NEIL3: variants seen among roughly 807,000 people sequenced by gnomAD.
NEIL3 encodes endonuclease 8-like 3.
NEIL3 carries 48 observed loss-of-function variants against 57.5 expected under a neutral mutation model. The ratio of observed to expected loss-of-function variants is 0.83; its 90% CI spans 0.66 to 1.06. NEIL3 has a LOEUF of 1.06. Among genes scored for constraint, NEIL3 ranks in the 50% least tolerant of loss-of-function variants. The pLI is 0.00. For missense variants in NEIL3, 717 were observed against 739.1 expected (o/e 0.97, Z 0.35); for synonymous variants, 261 against 253.2 (o/e 1.03, Z -0.29).
At chr4:177,326,489 T>C (rs1054903591) in intron 2 of NEIL3, among the ~76,000 whole-genome samples, 1 of 152,154 alleles carries the variant, frequency 6.6e-6, no homozygotes, top group Non-Finnish European at 1.5e-5. Flanking sequence ...TTAAATTAAG[T>C]AGTGTCAGTC....
At chr4:177,369,334 G>A in the NEIL3 span, among the ~76,000 whole-genome samples, 4 of 152,152 alleles carry the variant, frequency 2.6e-5, no homozygotes, top group African/African-American at 9.7e-5. Flanking sequence ...GCACTAGAAG[G>A]TGTCAGCAAC....
At chr4:177,337,811 C>T (rs948173990) in intron 4 of NEIL3, among the ~76,000 whole-genome samples, 6 of 152,054 alleles carry the variant, frequency 3.9e-5, no homozygotes, top group African/African-American at 1.4e-4. Context: ...TCCTGGCCAA[C>T]GTGGTGAAAC....
intron 5 of NEIL3, among the ~76,000 whole-genome samples, chr4:177,340,137 A>G (rs949680400): frequency 6.6e-6 from 1 of 152,218 alleles, no homozygotes; most frequent in African/African-American, 2.4e-5. Context: ...TTTTGGATAC[A>G]TAAAATATAG....
At chr4:177,366,911 A>T (rs1172225729), downstream of NEIL3, among the ~76,000 whole-genome samples, 7 of 152,290 alleles carry the variant, frequency 4.6e-5, no homozygotes, top group Non-Finnish European at 1.0e-4. Context: ...CTTTTCCGTC[A>T]TCTCCACTCT....
chr4:177,359,443 A>T (rs929319670), intron 8 of NEIL3, among the ~76,000 whole-genome samples: 2 of 152,184 alleles, frequency 1.3e-5, no homozygotes, highest in African/African-American at 4.8e-5. Flanking sequence ...TTTCAATTAG[A>T]TATGATGCAT....
intron 2 of NEIL3, among the ~76,000 whole-genome samples, chr4:177,324,762 A>G (rs1734747228): frequency 6.6e-6 from 1 of 152,168 alleles, no homozygotes; most frequent in Non-Finnish European, 1.5e-5. Flanking sequence ...AAATAAGTGT[A>G]AAGTAATACA....
At chr4:177,318,068 A>G (rs535659221) in intron 1 of NEIL3, among the ~76,000 whole-genome samples, 2 of 152,188 alleles carry the variant, frequency 1.3e-5, no homozygotes, top group Non-Finnish European at 2.9e-5. Context: ...CGTTCTTTTC[A>G]TAAACTGTAC....
At chr4:177,358,457 G>A (rs573591849) in intron 8 of NEIL3, among the ~76,000 whole-genome samples, 2 of 151,946 alleles carry the variant, frequency 1.3e-5, no homozygotes, top group African/African-American at 4.8e-5. Flanking sequence ...AGAGGCACCC[G>A]CCACCACGCC....
At chr4:177,318,166 G>A (rs939428987) in intron 1 of NEIL3, among the ~76,000 whole-genome samples, 4 of 152,088 alleles carry the variant, frequency 2.6e-5, no homozygotes, top group African/African-American at 9.7e-5. Flanking sequence ...ATTCCCTGGG[G>A]GAAAATCTCT....
chr4:177,364,926 C>CAA (rs369726919), downstream of NEIL3, among the ~76,000 whole-genome samples: 91 of 99,488 alleles, frequency 9.1e-4, no homozygotes, highest in Admixed American at 4.4e-3. Context: ...GACTCTGTCT[C>CAA]AAAAAAAAAA....
chr4:177,317,597 CTTTTTTTTTTTTT>C (rs745358876), intron 1 of NEIL3, among the ~76,000 whole-genome samples: 4 of 70,070 alleles, frequency 5.7e-5, no homozygotes, highest in African/African-American at 5.5e-5. Flanking sequence ...ACTTTCTTTT[CTTTTTTTTTTTTT>C]TTTTTTTTTT....
chr4:177,326,922 G>A (rs1054996127), intron 2 of NEIL3, among the ~76,000 whole-genome samples: 3 of 152,042 alleles, frequency 2.0e-5, no homozygotes, highest in Non-Finnish European at 2.9e-5. Context: ...CTGGCTCTGT[G>A]TTCCCACCCA....
At chr4:177,348,197 G>A (rs549527180) in intron 6 of NEIL3, among the ~76,000 whole-genome samples, 2 of 152,322 alleles carry the variant, frequency 1.3e-5, no homozygotes, top group East Asian at 3.9e-4. Context: ...TGGGGATTCA[G>A]TGGGTCTGAG....
chr4:177,363,599 G>A (rs1335285209), downstream of NEIL3, among the ~76,000 whole-genome samples: 2 of 152,062 alleles, frequency 1.3e-5, no homozygotes, highest in Admixed American at 6.5e-5. Context: ...GTGCAATAAA[G>A]AGGAAAAAAG....
At chr4:177,354,539 G>A (rs909549445) in intron 8 of NEIL3, among the ~76,000 whole-genome samples, 1 of 152,106 alleles carries the variant, frequency 6.6e-6, no homozygotes, top group Non-Finnish European at 1.5e-5. Flanking sequence ...ATGCGAGATG[G>A]TGTTTATTTT....
At chr4:177,324,952 GATA>G (rs1223823016) in intron 2 of NEIL3, among the ~76,000 whole-genome samples, 1,317 of 56,342 alleles carry the variant, frequency 0.023, 17 homozygotes, top group African/African-American at 0.044. Context: ...TTAAAAAACA[GATA>G]GATAGATAGA....
rs1734748941 is a variant in NEIL3 at position 177,324,826 on chromosome 4, C to T, written c.278+2246C>T. ...TTATTAACTTTGGATGCATACAATG[C>T]CACATTGCCAGTATAGTGTGTGCGA... On this transcript the variant is annotated intron_variant, in intron 2 of 9. Coordinates refer to ENST00000264596, the MANE Select transcript of NEIL3 (RefSeq NM_018248.3). Among the ~76,000 whole-genome samples the T allele has an allele frequency of 2.0e-5, 3 of 152,112 alleles. No homozygotes were observed. In the South Asian group the frequency reaches 6.2e-4, roughly 32 times the overall value.
intron 6 of NEIL3, among the ~76,000 whole-genome samples, chr4:177,350,503 A>G (rs72702976): frequency 2.2e-3 from 337 of 152,358 alleles, no homozygotes; most frequent in Non-Finnish European, 3.8e-3. Flanking sequence ...TTAATTGGCT[A>G]TCCACCATGA....
intron 2 of NEIL3, among the ~76,000 whole-genome samples, chr4:177,325,062 T>C (rs1416048326): frequency 6.6e-6 from 1 of 152,162 alleles, no homozygotes; most frequent in Non-Finnish European, 1.5e-5. Flanking sequence ...TGAAGTTATA[T>C]GTGCTCAGAG....
Sources: allele counts gnomAD v4.1 joint callset (sites outside exome capture counted in the v4.1 genomes callset), GRCh38; gene constraint gnomAD v4.1.1; transcripts MANE v1.5; gene names NCBI Gene and HGNC (gene_info 2026-07-23, HGNC 2026-07-21).